The following LCOR variants were observed in gnomAD, a reference collection of about 807,000 sequenced individuals.
LCOR encodes the protein ligand dependent nuclear receptor corepressor, also known as ligand-dependent corepressor.
In LCOR, 14 loss-of-function variants were observed where a neutral mutation model predicts 64.4. That is an observed-to-expected ratio of 0.22 (90% CI 0.14 to 0.34). The LOEUF is 0.34. LCOR is among the 10% of genes least tolerant of loss of function. The pLI is 1.00. For synonymous variants in LCOR, 643 were observed against 642.5 expected, an observed-to-expected ratio of 1.00 and a Z score of -0.01; for missense variants, 1,686 against 1,765.3, an observed-to-expected ratio of 0.96 and a Z score of 0.80.
intron 4 of LCOR, among the ~76,000 whole-genome samples, chr10:96,928,509 A>T (rs1847205524): frequency 6.6e-6 from 1 of 152,198 alleles, no homozygotes; most frequent in Admixed American, 6.5e-5. Flanking sequence ...TTAAGGCTCC[A>T]CTTCAAGTTC....
At chr10:96,959,843 G>A (rs2134541808) in intron 7 of LCOR, 1 of 152,292 alleles carries the variant, frequency 6.6e-6, no homozygotes, top group Admixed American at 6.5e-5. Context: ...CTTATGTGAA[G>A]TTAATTACTG....
chr10:96,942,910 A>C (rs1195753509), intron 4 of LCOR, among the ~76,000 whole-genome samples: 1 of 152,220 alleles, frequency 6.6e-6, no homozygotes, highest in Non-Finnish European at 1.5e-5. Context: ...CTTAACACTT[A>C]AATATGCATT....
chr10:96,862,509 G>T (rs1455889719), intron 2 of LCOR, among the ~76,000 whole-genome samples: 1 of 152,028 alleles, frequency 6.6e-6, no homozygotes, highest in African/African-American at 2.4e-5. Flanking sequence ...CAGGTGATCC[G>T]CCCGCCTCAG....
At chr10:96,953,738 G>A (rs1292155421) in intron 7 of LCOR, among the ~76,000 whole-genome samples, 1 of 152,108 alleles carries the variant, frequency 6.6e-6, no homozygotes, top group African/African-American at 2.4e-5. Flanking sequence ...GTTTTCTACT[G>A]GTTTTGTTTT....
intron 4 of LCOR, among the ~76,000 whole-genome samples, chr10:96,942,721 A>AT (rs1157875777): frequency 6.6e-6 from 1 of 152,022 alleles, no homozygotes; most frequent in Non-Finnish European, 1.5e-5. Flanking sequence ...ATCAGTGGGT[A>AT]TTTTTTTAAA....
At chr10:96,839,802 C>T (rs546394042) in intron 2 of LCOR, among the ~76,000 whole-genome samples, 235 of 152,184 alleles carry the variant, frequency 1.5e-3, no homozygotes, top group Non-Finnish European at 2.7e-3. Flanking sequence ...TCTCCTGCCT[C>T]AGCCTCCCTA....
rs989043492 is a variant in LCOR at position 96,904,590 on chromosome 10, T to A, written c.-329-2675T>A. ...TAGTTGTGATGTTGGATAGGAATTC[T>A]TTCAAAAGTAGTCAACTTCGATAAA... On this transcript the variant is annotated intron_variant, in intron 2 of 7. Transcript: ENST00000421806. Among the ~76,000 whole-genome samples the A allele has an allele frequency of 3.3e-5, 5 of 152,218 alleles. No individual in the cohort carries two copies. The East Asian group carries it at 9.6e-4, about 29-fold the overall frequency.
At chr10:96,957,565 A>AT in intron 7 of LCOR, 18 of 985,310 alleles carry the variant, frequency 1.8e-5, no homozygotes, top group Non-Finnish European at 2.2e-5. Context: ...AACAAACATT[A>AT]TTGGAGTTTC....
chr10:96,849,845 T>C (rs12267926), intron 2 of LCOR, among the ~76,000 whole-genome samples: 20,661 of 150,186 alleles, frequency 0.14, 1,945 homozygotes, highest in African/African-American at 0.26. Context: ...CCAAGACCTC[T>C]GTGTGTCACT....
rs117528616 is a variant in LCOR at position 96,833,763 on chromosome 10, C to G, written c.-330+284C>G. On this transcript the variant is annotated intron_variant, in intron 2 of 7. Coordinates refer to ENST00000421806, the MANE Select transcript of LCOR (RefSeq NM_001346516.2). ...TCCGTTCGCTTGGGCCCCTCATTCC[C>G]TCCTTCCCGACAGGGTTTCGTTGGA... Among the ~76,000 whole-genome samples the G allele has an allele frequency of 1.8e-3, 281 of 152,382 alleles. 1 individual carries two copies. The highest frequency in any genetic ancestry group is 0.012 in the East Asian group (62 of 5,190).
rs1324392571 is a variant in LCOR at position 96,990,097 on chromosome 10, A to G, written c.*4963A>G. 6.6e-6 allele frequency: 1 copy of G among 152,062 alleles called. No individual in the cohort carries two copies. Among genetic ancestry groups the G allele is most frequent in the Non-Finnish European group, 1.5e-5 (1 of 68,006 alleles). The allele number at this position is 152,062 out of a possible 1,614,324, so 9.4% of individuals were successfully genotyped here. A position where few individuals can be genotyped will look rare whatever the true frequency, so the allele number is the denominator to read the frequency against. On this transcript the variant is annotated 3_prime_UTR_variant, in exon 8 of 8. Coordinates refer to ENST00000421806, the MANE Select transcript of LCOR (RefSeq NM_001346516.2). ...AGTGCTATTCCCCATGCTTGCTCTC[A>G]AATCCTTTTCAGGGGAAAAATAAAA...
At chr10:96,962,657 T>C (rs1847899223) in intron 7 of LCOR, 1 of 152,204 alleles carries the variant, frequency 6.6e-6, no homozygotes, top group South Asian at 2.1e-4. Context: ...TGGATATTGA[T>C]ATGCTGTGCT....
chr10:96,955,724 T>A (rs745444011), intron 7 of LCOR: 6 of 1,613,952 alleles, frequency 3.7e-6, no homozygotes, highest in Non-Finnish European at 4.2e-6. Flanking sequence ...AAATGAGTGT[T>A]TCCAAAGCTC....
intron 4 of LCOR, among the ~76,000 whole-genome samples, chr10:96,929,385 C>A (rs896842686): frequency 2.6e-5 from 4 of 152,224 alleles, no homozygotes; most frequent in Admixed American, 6.5e-5. Context: ...TTTGTTGTTA[C>A]AGAGATGACT....
intron 7 of LCOR, chr10:96,957,502 A>G (rs1847804004): frequency 1.0e-6 from 1 of 985,410 alleles, no homozygotes; most frequent in Non-Finnish European, 1.2e-6. Context: ...CATGTACTGT[A>G]TATTCTAATC....
intron 7 of LCOR, chr10:96,964,105 T>C (rs530485322): frequency 3.3e-5 from 5 of 152,318 alleles, no homozygotes; most frequent in African/African-American, 9.6e-5. Context: ...AGAGCACTTA[T>C]GATCACAAAT....
chr10:96,960,607 G>A (rs979223399), intron 7 of LCOR: 2 of 152,012 alleles, frequency 1.3e-5, no homozygotes, highest in African/African-American at 4.8e-5. Context: ...GTTAAATTTT[G>A]GCCTTCTTGA....
At chr10:96,930,504 A>G (rs751041956) in intron 4 of LCOR, among the ~76,000 whole-genome samples, 2 of 152,228 alleles carry the variant, frequency 1.3e-5, no homozygotes, top group Admixed American at 1.3e-4. Flanking sequence ...TTCAGTTTAC[A>G]TAGTTTATCT....
At position 96,991,163 on chromosome 10, in the gene LCOR, T is replaced by C. The variant is rs1259922858; in HGVS notation, c.*6029T>C. 2.6e-5 allele frequency: 4 copies of C among 152,152 alleles called. No individual in the cohort carries two copies. The highest frequency in any genetic ancestry group is 9.7e-5 in the African/African-American group (4 of 41,440). 9.4% of individuals were successfully genotyped at this position (152,152 alleles called of 1,614,324 possible). A position where few individuals can be genotyped will look rare whatever the true frequency, so the allele number is the denominator to read the frequency against. On this transcript the variant is annotated 3_prime_UTR_variant, in exon 8 of 8. Coordinates refer to ENST00000421806, the MANE Select transcript of LCOR (RefSeq NM_001346516.2). ...CAAATTGTGTAGACAGGCACAACTT[T>C]TTTTTTTCATATGCTCCAACATTTT...
Sources: gnomAD v4.1 joint callset for allele counts (sites outside exome capture counted in the v4.1 genomes callset) on GRCh38, gnomAD v4.1.1 for gene constraint, MANE v1.5 for transcripts, NCBI Gene and HGNC (gene_info 2026-07-23, HGNC 2026-07-21) for gene names.